Variants in ADARB1 observed in about 807,000 individuals in gnomAD.
The protein encoded by ADARB1 is double-stranded RNA-specific editase 1.
A neutral mutation model predicts 52.4 loss-of-function variants in ADARB1; 10 were observed. That is an observed-to-expected ratio of 0.19 (90% CI 0.12 to 0.32). ADARB1 has a LOEUF of 0.32. Among genes scored for constraint, ADARB1 ranks in the 10% least tolerant of loss-of-function variants. The pLI is 1.00. For synonymous variants in ADARB1, 349 were observed against 371.1 expected, an observed-to-expected ratio of 0.94 and a Z score of 0.68; for missense variants, 643 against 922.3, an observed-to-expected ratio of 0.70 and a Z score of 3.92.
At chr21:45,169,735 G>C (rs1400719004) in intron 2 of ADARB1, among the ~76,000 whole-genome samples, 3 of 152,214 alleles carry the variant, frequency 2.0e-5, no homozygotes, top group Non-Finnish European at 4.4e-5. Flanking sequence ...AGGCTTATTC[G>C]TTGTTCCTCC....
At chr21:45,137,761 AG>A (rs2089474982) in intron 2 of ADARB1, among the ~76,000 whole-genome samples, 1 of 151,978 alleles carries the variant, frequency 6.6e-6, no homozygotes, top group Admixed American at 6.6e-5. Flanking sequence ...GGATGGAAGG[AG>A]GTGTGCCCAG....
chr21:45,077,073 A>G (rs1221362997), intron 1 of ADARB1, among the ~76,000 whole-genome samples: 3 of 152,254 alleles, frequency 2.0e-5, no homozygotes, highest in African/African-American at 7.2e-5. Flanking sequence ...TGTATTGTAT[A>G]TGTTTTAATA....
At chr21:45,124,411 C>T (rs954995080) in intron 1 of ADARB1, among the ~76,000 whole-genome samples, 1 of 152,016 alleles carries the variant, frequency 6.6e-6, no homozygotes, top group African/African-American at 2.4e-5. Flanking sequence ...CTCACTCTGT[C>T]TCCCAGGCTC....
chr21:45,216,822 G>T (rs916419381), intron 9 of ADARB1, among the ~76,000 whole-genome samples: 1 of 151,784 alleles, frequency 6.6e-6, no homozygotes, highest in Non-Finnish European at 1.5e-5. Context: ...AGTTATAATT[G>T]TACATTATCT....
chr21:45,216,247 G>A (rs963437119), intron 9 of ADARB1, among the ~76,000 whole-genome samples: 2 of 151,486 alleles, frequency 1.3e-5, no homozygotes, highest in South Asian at 4.2e-4. Context: ...AATTCTGTTT[G>A]TCTCTAAGTG....
intron 8 of ADARB1, among the ~76,000 whole-genome samples, chr21:45,188,798 A>G (rs2092195306): frequency 6.6e-6 from 1 of 151,440 alleles, no homozygotes; most frequent in Non-Finnish European, 1.5e-5. Context: ...TTCTTTCATT[A>G]TTTTTTCTAA....
intron 6 of ADARB1, among the ~76,000 whole-genome samples, 167 bp downstream of exon 6, chr21:45,182,920 A>G (rs750760920): frequency 1.9e-4 from 29 of 152,344 alleles, no homozygotes; most frequent in Non-Finnish European, 3.8e-4. Context: ...ACAATGCTCA[A>G]CACACATATG....
intron 2 of ADARB1, among the ~76,000 whole-genome samples, chr21:45,153,313 C>G (rs1015810037): frequency 6.7e-6 from 1 of 149,694 alleles, no homozygotes; most frequent in Non-Finnish European, 1.5e-5. Context: ...GTTTTTGGAC[C>G]TAAATTGCTG....
intron 1 of ADARB1, among the ~76,000 whole-genome samples, chr21:45,084,684 A>ATTACAAAGTTAGAAGTGGAGGTC (rs2086271711): frequency 1.3e-5 from 2 of 152,206 alleles, no homozygotes; most frequent in Non-Finnish European, 2.9e-5. Flanking sequence ...CACTTCTAAA[A>ATTACAAAGTTAGAAGTGGAGGTC]TTACAAAGTT....
intron 8 of ADARB1, among the ~76,000 whole-genome samples, chr21:45,197,686 A>T (rs1409365723): frequency 6.6e-6 from 1 of 152,226 alleles, no homozygotes; most frequent in East Asian, 1.9e-4. Context: ...ATCAACCGGT[A>T]AATAGATAGA....
At chr21:45,210,563 A>T (rs2092747971) in intron 9 of ADARB1, among the ~76,000 whole-genome samples, 1 of 152,220 alleles carries the variant, frequency 6.6e-6, no homozygotes, top group Non-Finnish European at 1.5e-5. Flanking sequence ...CATGTGCTCA[A>T]GTCAGGAGCC....
intron 2 of ADARB1, among the ~76,000 whole-genome samples, chr21:45,131,898 C>T (rs2088964806): frequency 6.6e-6 from 1 of 152,192 alleles, no homozygotes; most frequent in Non-Finnish European, 1.5e-5. Context: ...TGGCGCAGAG[C>T]TCCGCAAGCC....
At chr21:45,098,974 C>T (rs561754608) in intron 1 of ADARB1, among the ~76,000 whole-genome samples, 1 of 152,184 alleles carries the variant, frequency 6.6e-6, no homozygotes, top group Non-Finnish European at 1.5e-5. Context: ...AGTCCTTCTT[C>T]CCTGTAGAGC....
intron 9 of ADARB1, among the ~76,000 whole-genome samples, chr21:45,210,674 G>A (rs1327279924): frequency 6.6e-6 from 1 of 152,218 alleles, no homozygotes; most frequent in Non-Finnish European, 1.5e-5. Flanking sequence ...GACACCACGA[G>A]GCTTGCAGCT....
intron 2 of ADARB1, among the ~76,000 whole-genome samples, chr21:45,139,933 CTTTTTTTTTTTTTTTTTT>C (rs200847132): frequency 5.9e-5 from 5 of 84,970 alleles, no homozygotes; most frequent in African/African-American, 1.8e-4. Flanking sequence ...CAATAAAACT[CTTTTTTTTTTTTTTTTTT>C]TTTTTTTTTG....
intron 9 of ADARB1, among the ~76,000 whole-genome samples, chr21:45,211,467 A>G (rs896468550): frequency 2.6e-5 from 4 of 152,202 alleles, no homozygotes; most frequent in African/African-American, 9.7e-5. Context: ...TCCTTGATCC[A>G]CTAATGAATG....
At chr21:45,103,381 A>G (rs954621756) in intron 1 of ADARB1, among the ~76,000 whole-genome samples, 7 of 151,864 alleles carry the variant, frequency 4.6e-5, no homozygotes, top group Admixed American at 2.6e-4. Context: ...CCATGATTAC[A>G]TTGTAATATA....
chr21:45,222,235 G>T lies in ADARB1; in HGVS notation c.*38G>T. On this transcript the variant is annotated 3_prime_UTR_variant, in exon 11 of 11. Transcript: ENST00000348831. ...TGATGGGGGGTGCAGGGGGCTGTGG[G>T]CATCCAGCGTCATCCTCCAGAACCT... 6.6e-7 allele frequency: 1 copy of T among 1,516,426 alleles called. No individual in the cohort carries two copies. The highest frequency in any genetic ancestry group is 8.8e-7 in the Non-Finnish European group (1 of 1,137,272). 93.9% of individuals were successfully genotyped at this position (1,516,426 alleles called of 1,614,324 possible). A position where few individuals can be genotyped will look rare whatever the true frequency, so the allele number is the denominator to read the frequency against.
intron 2 of ADARB1, among the ~76,000 whole-genome samples, chr21:45,139,933 CTTTTTTTT>C (rs200847132): frequency 2.1e-4 from 18 of 84,966 alleles, no homozygotes; most frequent in African/African-American, 5.5e-4. Flanking sequence ...CAATAAAACT[CTTTTTTTT>C]TTTTTTTTTT....
Sources: allele counts gnomAD v4.1 joint callset (sites outside exome capture counted in the v4.1 genomes callset), GRCh38; gene constraint gnomAD v4.1.1; transcripts MANE v1.5; gene names NCBI Gene and HGNC (gene_info 2026-07-23, HGNC 2026-07-21).